The following SULF1 variants were observed in gnomAD, a reference collection of about 807,000 sequenced individuals.
The protein encoded by SULF1 is sulfatase 1.
SULF1 carries 46 observed loss-of-function variants against 110.5 expected under a neutral mutation model. That is an observed-to-expected ratio of 0.42 (90% CI 0.33 to 0.53). The LOEUF (loss-of-function observed/expected upper bound fraction) is 0.53, where lower values mean the gene tolerates loss of function less well. SULF1 is among the 20% of genes least tolerant of loss of function. The pLI is 0.12. For synonymous variants in SULF1, 371 were observed against 387.1 expected, an observed-to-expected ratio of 0.96 and a Z score of 0.49; for missense variants, 941 against 1,094.2, an observed-to-expected ratio of 0.86 and a Z score of 1.98.
chr8:69,521,096 T>C (rs1004427625), intron 3 of SULF1, among the ~76,000 whole-genome samples: 1 of 152,204 alleles, frequency 6.6e-6, no homozygotes, highest in Non-Finnish European at 1.5e-5. Context: ...CATAACACTT[T>C]AGGGAAAAAT....
intron 9 of SULF1, 101 bp from the exon 10 acceptor site, chr8:69,601,553 A>T (rs1807803969): frequency 9.3e-7 from 1 of 1,073,524 alleles, no homozygotes; most frequent in South Asian, 2.2e-5. Context: ...TGCCTTTTAA[A>T]AATAACAGGA....
chr8:69,505,062 T>C (rs931724763), intron 3 of SULF1, among the ~76,000 whole-genome samples: 3 of 152,154 alleles, frequency 2.0e-5, no homozygotes, highest in Non-Finnish European at 4.4e-5. Context: ...CTAAATTACA[T>C]AACCCAAGAG....
rs144484522 is a variant in SULF1 at position 69,626,383 on chromosome 8, C to G, written c.1851-827C>G. ...AATCCCTGAGCTAGACATAAAGACT[C>G]CACGTCCCCACCAGACTCAGGAGCC... On this transcript the variant is annotated intron_variant, in intron 15 of 22. Coordinates refer to ENST00000402687, the MANE Select transcript of SULF1 (RefSeq NM_001128205.2). Among the ~76,000 whole-genome samples the G allele has an allele frequency of 4.0e-4, 61 of 152,382 alleles. No homozygotes were observed. The East Asian group carries it at 6.9e-3, about 17-fold the overall frequency.
intron 1 of SULF1, among the ~76,000 whole-genome samples, chr8:69,474,315 A>C (rs141028835): frequency 7.9e-5 from 12 of 152,296 alleles, no homozygotes; most frequent in African/African-American, 2.9e-4. Context: ...TCCTATCACA[A>C]ATATGCCTTT....
At chr8:69,625,845 C>A (rs985024614) in intron 15 of SULF1, 1 of 152,376 alleles carries the variant, frequency 6.6e-6, no homozygotes, top group African/African-American at 2.4e-5. Flanking sequence ...TTATCTGGCC[C>A]CACCCACATC....
intron 3 of SULF1, among the ~76,000 whole-genome samples, chr8:69,512,544 G>A (rs1025398166): frequency 1.3e-5 from 2 of 152,182 alleles, no homozygotes; most frequent in Non-Finnish European, 2.9e-5. Context: ...GTCCCAGATT[G>A]CCTTTCTGTA....
At chr8:69,504,047 C>T (rs921532434) in intron 3 of SULF1, among the ~76,000 whole-genome samples, 16 of 152,100 alleles carry the variant, frequency 1.1e-4, no homozygotes, top group African/African-American at 3.9e-4. Context: ...ATCTGCCAGC[C>T]TCAGCCTCCC....
intron 3 of SULF1, among the ~76,000 whole-genome samples, chr8:69,506,215 A>G (rs62512992): frequency 0.33 from 49,097 of 150,324 alleles, 8,268 homozygotes; most frequent in Non-Finnish European, 0.37. Flanking sequence ...TTTTCTTTAT[A>G]AGAGAGATAA....
At chr8:69,553,673 G>T (rs1159988060) in intron 3 of SULF1, among the ~76,000 whole-genome samples, 2 of 152,154 alleles carry the variant, frequency 1.3e-5, no homozygotes, top group African/African-American at 2.4e-5. Flanking sequence ...GGAAATAGTT[G>T]CTGTGTTTGG....
chr8:69,515,452 C>G (rs954655846), intron 3 of SULF1, among the ~76,000 whole-genome samples: 1 of 152,028 alleles, frequency 6.6e-6, no homozygotes, highest in Non-Finnish European at 1.5e-5. Context: ...TGGGCCTGGC[C>G]CATGAAACCA....
intron 3 of SULF1, among the ~76,000 whole-genome samples, chr8:69,539,936 G>A (rs1465825250): frequency 1.3e-5 from 2 of 152,164 alleles, no homozygotes; most frequent in African/African-American, 4.8e-5. Flanking sequence ...AAGAAGATTG[G>A]TCTGGTACCT....
chr8:69,553,707 T>C (rs1222927497), intron 3 of SULF1, among the ~76,000 whole-genome samples: 2 of 152,224 alleles, frequency 1.3e-5, no homozygotes, highest in Non-Finnish European at 2.9e-5. Flanking sequence ...CATTGAAAAC[T>C]GTTTTAGTTT....
chr8:69,480,010 C>CT (rs370863439), intron 1 of SULF1, among the ~76,000 whole-genome samples: 198 of 145,978 alleles, frequency 1.4e-3, no homozygotes, highest in African/African-American at 3.8e-3. Flanking sequence ...CAAGAAAAAG[C>CT]TTTTTTTTTT....
chr8:69,610,053 G>GA (rs1472546115), intron 13 of SULF1, among the ~76,000 whole-genome samples: 1 of 152,184 alleles, frequency 6.6e-6, no homozygotes, highest in Non-Finnish European at 1.5e-5. Flanking sequence ...CATTTAAGTG[G>GA]AAAAAAGCAG....
chr8:69,590,272 C>T (rs903589511), intron 8 of SULF1, among the ~76,000 whole-genome samples: 4 of 152,106 alleles, frequency 2.6e-5, no homozygotes, highest in African/African-American at 9.7e-5. Flanking sequence ...AACAATTCTC[C>T]CACCTCAGGC....
intron 3 of SULF1, among the ~76,000 whole-genome samples, chr8:69,557,861 C>T (rs534510137): frequency 2.0e-5 from 3 of 152,212 alleles, no homozygotes; most frequent in East Asian, 3.9e-4. Context: ...ACAGGTGTTC[C>T]AGGTCATAGG....
intron 3 of SULF1, among the ~76,000 whole-genome samples, chr8:69,536,161 G>A (rs184475975): frequency 3.9e-5 from 6 of 152,196 alleles, no homozygotes; most frequent in Non-Finnish European, 5.9e-5. Context: ...GGTGTTTTGC[G>A]CAGATCATTT....
At chr8:69,588,805 T>C (rs965221327) in intron 7 of SULF1, among the ~76,000 whole-genome samples, 167 bp from the exon 8 acceptor site, 1 of 152,220 alleles carries the variant, frequency 6.6e-6, no homozygotes, top group Non-Finnish European at 1.5e-5. Context: ...GCTGATTTTC[T>C]CTATTATCGA....
At chr8:69,640,120 A>AAAGGAAGGAAGAAAG (rs1811348471) in intron 21 of SULF1, among the ~76,000 whole-genome samples, 2 of 92,308 alleles carry the variant, frequency 2.2e-5, no homozygotes, top group Non-Finnish European at 4.4e-5. Flanking sequence ...AGGAAGGAAG[A>AAAGGAAGGAAGAAAG]AAGGAAGGAA....
Sources: gnomAD v4.1 joint callset for allele counts (sites outside exome capture counted in the v4.1 genomes callset) on GRCh38, gnomAD v4.1.1 for gene constraint, MANE v1.5 for transcripts, NCBI Gene and HGNC (gene_info 2026-07-23, HGNC 2026-07-21) for gene names.